PPP6C: variants seen among roughly 807,000 people sequenced by gnomAD.
PPP6C encodes the protein protein phosphatase 6 catalytic subunit.
A neutral mutation model predicts 39.8 loss-of-function variants in PPP6C; 11 were observed. The ratio of observed to expected loss-of-function variants is 0.28; its 90% CI spans 0.17 to 0.46. The LOEUF (loss-of-function observed/expected upper bound fraction) is 0.46. PPP6C is among the 20% of genes least tolerant of loss of function. The pLI is 1.00. For missense variants in PPP6C, 211 were observed against 373.9 expected, an observed-to-expected ratio of 0.56 and a Z score of 3.59; for synonymous variants, 129 against 130.3, an observed-to-expected ratio of 0.99 and a Z score of 0.07.
At chr9:125,176,803 AG>A (rs1311921115) in intron 1 of PPP6C, among the ~76,000 whole-genome samples, 1 of 152,206 alleles carries the variant, frequency 6.6e-6, no homozygotes, top group Non-Finnish European at 1.5e-5. Context: ...TGGACAGGGT[AG>A]TAGAAGTAGA....
intron 1 of PPP6C, among the ~76,000 whole-genome samples, chr9:125,187,715 G>A (rs1829559185): frequency 6.6e-6 from 1 of 151,886 alleles, no homozygotes; most frequent in Non-Finnish European, 1.5e-5. Context: ...GATTAATAAT[G>A]CTACTAAGAG....
intron 6 of PPP6C, chr9:125,151,119 C>A: frequency 1.5e-6 from 2 of 1,370,032 alleles, no homozygotes; most frequent in Non-Finnish European, 2.1e-6. Context: ...GGGAGAATAT[C>A]TCTGAGCAGA....
At chr9:125,174,686 G>A (rs748535869) in intron 1 of PPP6C, among the ~76,000 whole-genome samples, 1 of 151,736 alleles carries the variant, frequency 6.6e-6, no homozygotes. Context: ...CAGGCAGGTG[G>A]ATCATTTGAG....
chr9:125,172,101 C>G, intron 1 of PPP6C: 1 of 359,748 alleles, frequency 2.8e-6, no homozygotes, highest in South Asian at 2.2e-5. Flanking sequence ...GAAACGAATA[C>G]TGCCACACAA....
chr9:125,149,507 C>G lies in PPP6C; in HGVS notation c.*166G>C. On this transcript the variant is annotated 3_prime_UTR_variant, in exon 7 of 7. Transcript: ENST00000373547. ...TGATAGAAAAACTTTGCTATAGACA[C>G]CACAACAAACAATAAATTTAGATAA... 1 of 882,810 alleles carries G rather than the reference C, an allele frequency of 1.1e-6. No individual in the cohort carries two copies. Among genetic ancestry groups the G allele is most frequent in the Non-Finnish European group, 1.6e-6 (1 of 607,502 alleles). The allele number at this position is 882,810 out of a possible 1,614,324, so 54.7% of individuals were successfully genotyped here. A position where few individuals can be genotyped will look rare whatever the true frequency, so the allele number is the denominator to read the frequency against.
At chr9:125,159,915 G>A (rs898375392) in intron 3 of PPP6C, among the ~76,000 whole-genome samples, 4 of 152,234 alleles carry the variant, frequency 2.6e-5, no homozygotes, top group East Asian at 3.9e-4. Context: ...CCAGCTACTC[G>A]GGAGGCTGAG....
At chr9:125,173,562 G>A (rs553171759) in intron 1 of PPP6C, among the ~76,000 whole-genome samples, 2 of 151,468 alleles carry the variant, frequency 1.3e-5, no homozygotes, top group Admixed American at 6.6e-5. Context: ...TGGGAAACAG[G>A]GTGAGACTCT....
intron 2 of PPP6C, among the ~76,000 whole-genome samples, chr9:125,161,701 C>T (rs1479914981): frequency 6.6e-6 from 1 of 152,190 alleles, no homozygotes; most frequent in Non-Finnish European, 1.5e-5. Context: ...TCCCAAAGTG[C>T]TGGGATTACA....
At chr9:125,157,985 G>A (rs915056874) in intron 4 of PPP6C, among the ~76,000 whole-genome samples, 13 of 151,910 alleles carry the variant, frequency 8.6e-5, no homozygotes, top group East Asian at 1.9e-4. Flanking sequence ...CACCCCACCC[G>A]GCCGGCAATC....
At position 125,175,765 on chromosome 9, in the gene PPP6C, A is replaced by G. The variant is rs566936369; in HGVS notation, c.76-4585T>C. ...CAAGTTTCCTACCACTTTCCACTAC[A>G]TTATATTGAATATTTAGTTGTTCAA... is the stretch of plus-strand genomic sequence containing the variant. On this transcript the variant is annotated intron_variant, in intron 1 of 6. Transcript: ENST00000373547. Among the ~76,000 whole-genome samples, 12 of 152,182 alleles carry G rather than the reference A, an allele frequency of 7.9e-5. No homozygotes were observed. In the South Asian group the frequency reaches 2.3e-3, roughly 29 times the overall value.
At chr9:125,163,639 C>G (rs762460964) in intron 2 of PPP6C, among the ~76,000 whole-genome samples, 15 of 152,074 alleles carry the variant, frequency 9.9e-5, no homozygotes, top group Non-Finnish European at 1.6e-4. Flanking sequence ...CCATGTTGGT[C>G]AGGCTGGTCC....
chr9:125,162,435 G>T (rs1828898257), intron 2 of PPP6C, among the ~76,000 whole-genome samples: 1 of 136,346 alleles, frequency 7.3e-6, no homozygotes, highest in Non-Finnish European at 1.5e-5. Context: ...TCCAGCCTGG[G>T]CAACAGAGCA....
rs949668286 is a variant in PPP6C at position 125,149,218 on chromosome 9, G to A, written c.*455C>T. On this transcript the variant is annotated 3_prime_UTR_variant, in exon 7 of 7. Transcript: ENST00000373547. ...CATCTGGGACAGGTATACATAACTTGAGGCATTTGGAGTCCATCGTGCCCA... is the reference window on the plus strand; with the variant it reads ...CATCTGGGACAGGTATACATAACTTAAGGCATTTGGAGTCCATCGTGCCCA... 1.3e-5 allele frequency: 2 copies of A among 153,988 alleles called. No individual in the cohort carries two copies. Among genetic ancestry groups the A allele is most frequent in the Non-Finnish European group, 2.9e-5 (2 of 69,220 alleles). The allele number at this position is 153,988 out of a possible 1,614,324, so 9.5% of individuals were successfully genotyped here. A position where few individuals can be genotyped will look rare whatever the true frequency, so the allele number is the denominator to read the frequency against.
At chr9:125,173,008 G>A (rs1012338441) in intron 1 of PPP6C, among the ~76,000 whole-genome samples, 1 of 152,178 alleles carries the variant, frequency 6.6e-6, no homozygotes, top group Admixed American at 6.5e-5. Context: ...TGGGCACGGC[G>A]GCTCTCGCCT....
chr9:125,170,434 T>C (rs548774270), intron 2 of PPP6C, among the ~76,000 whole-genome samples: 6 of 152,170 alleles, frequency 3.9e-5, no homozygotes, highest in African/African-American at 1.4e-4. Flanking sequence ...AGACGGGGTT[T>C]CACCATGTTG....
Position 125,149,649 on chromosome 9 carries a change from G to T in PPP6C, c.*24C>A, listed in dbSNP as rs1481780067. 1.9e-6 allele frequency: 3 copies of T among 1,607,334 alleles called. No homozygotes were observed. The highest frequency in any genetic ancestry group is 1.7e-4 in the Middle Eastern group (1 of 6,044). On this transcript the variant is annotated 3_prime_UTR_variant, in exon 7 of 7. Transcript: ENST00000373547. ...TGGGGTAAGAAGAGGGCAGAAAAAT[G>T]GGTCAGCAGGATGGGCGAAGGCCTC...
At chr9:125,153,467 C>A in intron 6 of PPP6C, 66 bp downstream of exon 6, 1 of 1,446,882 alleles carries the variant, frequency 6.9e-7, no homozygotes. Flanking sequence ...TATCTAGGGC[C>A]ACCATAGTTC....
intron 1 of PPP6C, among the ~76,000 whole-genome samples, chr9:125,176,786 A>C (rs913245889): frequency 6.6e-6 from 1 of 152,190 alleles, no homozygotes; most frequent in Admixed American, 6.6e-5. Flanking sequence ...GTAAAAGTTA[A>C]CTGGCTTGGA....
At chr9:125,156,744 GCT>G (rs61252351) in intron 4 of PPP6C, among the ~76,000 whole-genome samples, 7,033 of 140,788 alleles carry the variant, frequency 0.05, 233 homozygotes, top group African/African-American at 0.11. Context: ...TAATAAGCTC[GCT>G]CTCTCTCTCT....
Sources: gnomAD v4.1 joint callset for allele counts (sites outside exome capture counted in the v4.1 genomes callset) on GRCh38, gnomAD v4.1.1 for gene constraint, MANE v1.5 for transcripts, NCBI Gene and HGNC (gene_info 2026-07-23, HGNC 2026-07-21) for gene names.